PIK3C2B: variants seen among roughly 807,000 people sequenced by gnomAD.
PIK3C2B encodes the protein phosphatidylinositol 4-phosphate 3-kinase C2 domain-containing subunit beta.
PIK3C2B carries 83 observed loss-of-function variants against 184.3 expected under a neutral mutation model. That is an observed-to-expected ratio of 0.45 (90% CI 0.38 to 0.54). PIK3C2B has a LOEUF of 0.54. Among genes scored for constraint, PIK3C2B ranks in the 20% least tolerant of loss-of-function variants. PIK3C2B has a pLI of 0.00. For synonymous variants in PIK3C2B, 779 were observed against 837.6 expected (o/e 0.93, Z 1.21); for missense variants, 1,736 against 2,113.5 (o/e 0.82, Z 3.50).
At chr1:204,428,839 T>C (rs1246460952) in intron 29 of PIK3C2B, 4 of 417,070 alleles carry the variant, frequency 9.6e-6, no homozygotes, top group Non-Finnish European at 1.9e-5. Flanking sequence ...TAGCAAAATG[T>C]TAAGTGTTTA....
chr1:204,475,068 CA>C (rs887676586), intron 1 of PIK3C2B, among the ~76,000 whole-genome samples: 6 of 152,208 alleles, frequency 3.9e-5, no homozygotes, highest in Non-Finnish European at 7.3e-5. Context: ...TGGGCTATTA[CA>C]ATGGCCTCCT....
At chr1:204,454,528 T>G in intron 12 of PIK3C2B, 141 bp downstream of exon 12, 11 of 731,592 alleles carry the variant, frequency 1.5e-5, no homozygotes, top group East Asian at 2.9e-5. Context: ...ACTCAAGAGG[T>G]TGAATGACTT....
intron 14 of PIK3C2B, among the ~76,000 whole-genome samples, chr1:204,448,138 G>C (rs1654031707): frequency 6.6e-6 from 1 of 152,104 alleles, no homozygotes; most frequent in South Asian, 2.1e-4. Flanking sequence ...TTTTGAGACA[G>C]AGTCTTGCTC....
intron 1 of PIK3C2B, among the ~76,000 whole-genome samples, chr1:204,490,745 G>A (rs936123427): frequency 1.3e-5 from 2 of 150,624 alleles, no homozygotes; most frequent in Admixed American, 6.6e-5. Flanking sequence ...GCAACATAGT[G>A]AAATCCTGTC....
Position 204,447,476 on chromosome 1 carries a change from G to A in PIK3C2B, c.2449C>T (p.Arg817Cys), listed in dbSNP as rs201178287. ...TTCTGCATGATGTCTTTAAGCTTGC[G>A]CTGGTCTTCTTCCCGGAGGCTGCCA... The part of the protein sequence containing the change: ...EFGSLREEDQ[R>C]KLKDIMQKES... Residue 817 changes from arginine to cysteine, a missense_variant, in exon 15 of 33, where the codon CGC becomes TGC. Arg to Cys is a radical substitution (Grantham distance 180, BLOSUM62 -3). Transcript: ENST00000684373. This position sits in a 1 kb window ranked among gnomAD's most constrained non-coding sequence, Gnocchi z 4.1. The A allele has an allele frequency of 4.8e-4, 771 of 1,613,828 alleles. 3 individuals are homozygous for A. The highest frequency in any genetic ancestry group is 3.8e-4 in the Admixed American group (23 of 60,004).
At chr1:204,444,043 C>T in intron 18 of PIK3C2B, 25 bp downstream of exon 18, 2 of 1,493,860 alleles carry the variant, frequency 1.3e-6, no homozygotes, top group South Asian at 1.1e-5. Flanking sequence ...GTGTCTACCT[C>T]CCACTTTTCT....
intron 26 of PIK3C2B, among the ~76,000 whole-genome samples, chr1:204,432,741 C>T (rs1358387235): frequency 6.6e-6 from 1 of 152,178 alleles, no homozygotes; most frequent in Non-Finnish European, 1.5e-5. Flanking sequence ...TCACCAAGCA[C>T]TGTTCAATCT....
chr1:204,453,001 G>C (rs75339812), intron 12 of PIK3C2B, among the ~76,000 whole-genome samples: 7 of 151,900 alleles, frequency 4.6e-5, no homozygotes, highest in African/African-American at 1.7e-4. Context: ...AAGTGTGAAG[G>C]GCATGAGAAA....
intron 9 of PIK3C2B, among the ~76,000 whole-genome samples, chr1:204,457,469 CTG>C (rs1001679039): frequency 7.2e-5 from 11 of 152,234 alleles, no homozygotes; most frequent in East Asian, 1.9e-4. Flanking sequence ...GCCTTGGTGA[CTG>C]TGAATAAAGC....
At chr1:204,490,596 C>T (rs1477406592) in intron 1 of PIK3C2B, among the ~76,000 whole-genome samples, 1 of 152,040 alleles carries the variant, frequency 6.6e-6, no homozygotes. Flanking sequence ...GGCCCAGGTC[C>T]TTTCCAGTTT....
chr1:204,452,924 C>T (rs1490454045), intron 12 of PIK3C2B, among the ~76,000 whole-genome samples: 4 of 152,022 alleles, frequency 2.6e-5, no homozygotes, highest in Admixed American at 6.5e-5. Context: ...TCCCAAAGTA[C>T]GGTGAGACTA....
In PIK3C2B at chr1:204,469,441, C is replaced by T. The variant is rs747037331; in HGVS notation, c.362G>A (p.Gly121Asp). 7 of 1,574,748 alleles carry T rather than the reference C, an allele frequency of 4.4e-6. No homozygotes were observed. Among genetic ancestry groups the T allele is most frequent in the Admixed American group, 3.9e-5 (2 of 51,818 alleles). Residue 121 changes from glycine (G) to aspartate (D), a missense_variant, in exon 2 of 33, where the codon GGC becomes GAC. Coordinates refer to ENST00000684373, the MANE Select transcript of PIK3C2B (RefSeq NM_001377334.1). ...PQPGSDPWPK[G>D]SLSGDYLYIF... ...GTAGAGATAGTCTCCAGACAGGGAG[C>T]CTTTGGGCCAGGGATCTGAGCCAGG...
chr1:204,478,924 T>C (rs887430250), intron 1 of PIK3C2B, among the ~76,000 whole-genome samples: 2 of 152,186 alleles, frequency 1.3e-5, no homozygotes, highest in Non-Finnish European at 2.9e-5. Context: ...GAGACCCCGA[T>C]TCTAGCTCAG....
intron 12 of PIK3C2B, among the ~76,000 whole-genome samples, chr1:204,454,044 G>A (rs1314554329): frequency 6.6e-6 from 1 of 151,546 alleles, no homozygotes. Context: ...CAAAGCGCTG[G>A]GATTACAAGC....
intron 3 of PIK3C2B, 49 bp downstream of exon 3, chr1:204,465,170 C>A: frequency 1.2e-6 from 1 of 802,078 alleles, no homozygotes; most frequent in South Asian, 1.4e-5. Context: ...GGCCCCCCTC[C>A]CCATCCCCCA....
chr1:204,477,429 G>A (rs1028423239), intron 1 of PIK3C2B, among the ~76,000 whole-genome samples: 1 of 152,224 alleles, frequency 6.6e-6, no homozygotes, highest in African/African-American at 2.4e-5. Flanking sequence ...CTATGGCCAA[G>A]CAGGTCGGTG....
Position 204,469,430 on chromosome 1 carries a change from C to T in PIK3C2B, c.373G>A (p.Gly125Arg). ...SDPWPKGSLSGDYLYIFDGSD... is the reference protein window; with the variant it reads ...SDPWPKGSLSRDYLYIFDGSD... ...CCATCAAAAATGTAGAGATAGTCTC[C>T]AGACAGGGAGCCTTTGGGCCAGGGA... is the stretch of plus-strand genomic sequence containing the variant. The change falls in exon 2 of 33, where the codon GGA becomes AGA. Residue 125 changes from glycine (G) to arginine (R), a missense_variant. By Grantham distance (125) the Gly-to-Arg change is moderately radical. Around this residue, in one of 8 missense-constraint regions of PIK3C2B, gnomAD observed 404 missense variants for 418.0 expected, o/e 0.97. Coordinates refer to ENST00000684373, the MANE Select transcript of PIK3C2B (RefSeq NM_001377334.1). The T allele has an allele frequency of 1.3e-6, 2 of 1,565,118 alleles. No individual in the cohort carries two copies. The highest frequency in any genetic ancestry group is 1.7e-4 in the Middle Eastern group (1 of 5,798).
At position 204,424,996 on chromosome 1, in the gene PIK3C2B, C is replaced by G; in HGVS notation, c.4761G>C (p.Glu1587Asp). 6.2e-7 allele frequency: 1 copy of G among 1,614,128 alleles called. No homozygotes were observed. The highest frequency in any genetic ancestry group is 1.3e-5 in the African/African-American group (1 of 75,070). The change falls in exon 33 of 33, where the codon GAG becomes GAC. Residue 1587 changes from glutamate (E) to aspartate (D), a missense_variant. By Grantham distance (45) the Glu-to-Asp change is conservative. Around this residue, in one of 8 missense-constraint regions of PIK3C2B, gnomAD observed 95 missense variants for 164.2 expected, o/e 0.58. Coordinates refer to ENST00000684373, the MANE Select transcript of PIK3C2B (RefSeq NM_001377334.1). The part of the protein sequence containing the change: ...GIPKGDLQQR[E>D]LQLSVLSEQG... Reference sequence around the variant, plus strand: ...GCTCACTCAGCACGCTCAGCTGGAGCTCCCGCTGCTGCAGGTCACCCTTGG... The same window carrying G: ...GCTCACTCAGCACGCTCAGCTGGAGGTCCCGCTGCTGCAGGTCACCCTTGG...
chr1:204,428,912 T>C (rs1390242279), intron 29 of PIK3C2B: 1 of 456,188 alleles, frequency 2.2e-6, no homozygotes, highest in South Asian at 1.5e-5. Flanking sequence ...TTGAAAGTTT[T>C]AACCCTAAAA....
Sources: gnomAD v4.1 joint callset for allele counts (sites outside exome capture counted in the v4.1 genomes callset) on GRCh38, gnomAD v4.1.1 for gene constraint, gnomAD v4.1.1 regional missense constraint, Gnocchi (gnomAD v3.1) non-coding constraint, MANE v1.5 for transcripts, NCBI Gene and HGNC (gene_info 2026-07-23, HGNC 2026-07-21) for gene names.